The following GAREM1 variants were observed in gnomAD, a reference collection of about 807,000 sequenced individuals.
GAREM1 encodes GRB2 associated regulator of MAPK1 subtype 1.
A neutral mutation model predicts 71.3 loss-of-function variants in GAREM1; 26 were observed. The observed-to-expected ratio is 0.36, with a 90% CI of 0.27 to 0.51. The LOEUF (loss-of-function observed/expected upper bound fraction) is 0.51. Ranked by LOEUF, GAREM1 falls within the 20% of genes least tolerant of loss-of-function variation. GAREM1 has a pLI of 0.95. For synonymous variants in GAREM1, 440 were observed against 433.2 expected (o/e 1.02, Z -0.20); for missense variants, 1,026 against 1,103.1 (o/e 0.93, Z 0.99).
chr18:32,280,855 T>C (rs1248678650), intron 4 of GAREM1, among the ~76,000 whole-genome samples: 1 of 152,076 alleles, frequency 6.6e-6, no homozygotes, highest in Non-Finnish European at 1.5e-5. Flanking sequence ...GCTGTGGGGA[T>C]GGATATGTCC....
chr18:32,404,519 A>G (rs995904999), intron 1 of GAREM1, among the ~76,000 whole-genome samples: 7 of 151,346 alleles, frequency 4.6e-5, no homozygotes, highest in Admixed American at 2.0e-4. Flanking sequence ...AGTTAATTCT[A>G]TAAGTTGTGT....
chr18:32,442,153 G>A (rs925441527), intron 1 of GAREM1, among the ~76,000 whole-genome samples: 1 of 152,082 alleles, frequency 6.6e-6, no homozygotes, highest in Admixed American at 6.6e-5. Context: ...GCACTGCTAA[G>A]TAAACTATTT....
At position 32,393,009 on chromosome 18, in the gene GAREM1, T is replaced by G. The variant is rs1158857515; in HGVS notation, c.148A>C (p.Asn50His). 2.5e-6 allele frequency: 4 copies of G among 1,613,642 alleles called. No homozygotes were observed. The African/African-American group carries it at 5.3e-5, about 22-fold the overall frequency. Residue 50 changes from asparagine to histidine, a missense_variant, in exon 2 of 6, where the codon AAT (asparagine) becomes CAT (histidine). Physicochemically the swap from Asn to His is moderately conservative, Grantham distance 68. Around this residue, in one of 3 missense-constraint regions of GAREM1, gnomAD observed 172 missense variants for 175.2 expected, o/e 0.98. Coordinates refer to ENST00000269209, the MANE Select transcript of GAREM1 (RefSeq NM_001242409.2). ...NGECVEGLRE[N>H]DYLLIHSCRQ... Reference sequence around the variant, plus strand: ...CAGGAATGAATCAGCAGATAGTCATTTTCCCGCAGCCCTTCTACGCACTCT... The same window carrying G: ...CAGGAATGAATCAGCAGATAGTCATGTTCCCGCAGCCCTTCTACGCACTCT...
chr18:32,325,271 T>C (rs2047464055), intron 2 of GAREM1, among the ~76,000 whole-genome samples: 1 of 152,160 alleles, frequency 6.6e-6, no homozygotes, highest in Non-Finnish European at 1.5e-5. Context: ...GTGAAAATAT[T>C]CTGTATGTTA....
intron 3 of GAREM1, among the ~76,000 whole-genome samples, chr18:32,307,572 G>A (rs1362592085): frequency 6.6e-6 from 1 of 152,154 alleles, no homozygotes; most frequent in South Asian, 2.1e-4. Flanking sequence ...GCTAAGGCTG[G>A]AGTGCAATGG....
intron 1 of GAREM1, among the ~76,000 whole-genome samples, chr18:32,398,776 C>CA (rs1458435752): frequency 5.9e-5 from 9 of 152,064 alleles, no homozygotes; most frequent in African/African-American, 2.2e-4. Context: ...GAAACTATTC[C>CA]AATCAATAGA....
chr18:32,282,286 C>T (rs918397325), intron 4 of GAREM1, among the ~76,000 whole-genome samples: 3 of 152,224 alleles, frequency 2.0e-5, no homozygotes, highest in South Asian at 2.1e-4. Context: ...CTTAGCCAGG[C>T]GTGGTGGCGT....
chr18:32,455,470 T>C (rs1399199272), intron 1 of GAREM1, among the ~76,000 whole-genome samples: 3 of 152,094 alleles, frequency 2.0e-5, no homozygotes, highest in East Asian at 3.8e-4. Flanking sequence ...TGAGTGCAAC[T>C]TGCAAATCCT....
At chr18:32,321,540 C>G (rs1451091729) in intron 2 of GAREM1, among the ~76,000 whole-genome samples, 1 of 152,194 alleles carries the variant, frequency 6.6e-6, no homozygotes, top group Non-Finnish European at 1.5e-5. Flanking sequence ...AATTCCACAT[C>G]AGCCTATCCA....
chr18:32,338,662 A>G (rs1249393702), intron 2 of GAREM1, among the ~76,000 whole-genome samples: 2 of 152,220 alleles, frequency 1.3e-5, no homozygotes, highest in Admixed American at 6.5e-5. Context: ...TTGACATTTA[A>G]GCTCGAGATA....
chr18:32,465,072 G>A (rs1243125107), intron 1 of GAREM1, among the ~76,000 whole-genome samples: 2 of 152,132 alleles, frequency 1.3e-5, no homozygotes, highest in African/African-American at 4.8e-5. Flanking sequence ...TGAAATGGCA[G>A]TACCTCTAAC....
intron 2 of GAREM1, chr18:32,331,550 T>A (rs2047535394): frequency 1.3e-5 from 2 of 152,206 alleles, no homozygotes; most frequent in Admixed American, 1.3e-4. Context: ...AGCAGTCACA[T>A]ACACTAGTAG....
chr18:32,400,299 C>T (rs1312763986), intron 1 of GAREM1, among the ~76,000 whole-genome samples: 2 of 152,276 alleles, frequency 1.3e-5, no homozygotes, highest in South Asian at 2.1e-4. Context: ...AAAGCAATGG[C>T]AACTAAAGCC....
At chr18:32,457,226 A>AGAGTGTGTGTGTGT (rs1555648709) in intron 1 of GAREM1, among the ~76,000 whole-genome samples, 13 of 81,982 alleles carry the variant, frequency 1.6e-4, no homozygotes, top group African/African-American at 5.4e-4. Context: ...AGAGAGAGAG[A>AGAGTGTGTGTGTGT]GTGTGTGTGT....
intron 1 of GAREM1, among the ~76,000 whole-genome samples, chr18:32,461,677 A>G (rs929793573): frequency 2.0e-5 from 3 of 152,212 alleles, no homozygotes; most frequent in Non-Finnish European, 4.4e-5. Flanking sequence ...TCTGAGGGAC[A>G]GAGCAAGACT....
At chr18:32,393,274 G>C (rs143786094) in intron 1 of GAREM1, among the ~76,000 whole-genome samples, 11 of 151,140 alleles carry the variant, frequency 7.3e-5, no homozygotes, top group African/African-American at 2.4e-4. Context: ...TTTGCAAATA[G>C]CTATTCAAAT....
intron 1 of GAREM1, among the ~76,000 whole-genome samples, chr18:32,396,627 A>T (rs1248561291): frequency 2.6e-5 from 4 of 152,214 alleles, no homozygotes; most frequent in African/African-American, 9.7e-5. Flanking sequence ...AAAGAAACGA[A>T]CAAAGCCTCC....
intron 1 of GAREM1, among the ~76,000 whole-genome samples, chr18:32,427,022 T>C (rs969273299): frequency 6.6e-6 from 1 of 152,222 alleles, no homozygotes; most frequent in African/African-American, 2.4e-5. Context: ...ATTCATGCTA[T>C]TGTGTGTTGG....
intron 4 of GAREM1, among the ~76,000 whole-genome samples, chr18:32,272,772 C>CGCCA (rs1167976589): frequency 6.6e-6 from 1 of 152,152 alleles, no homozygotes; most frequent in Non-Finnish European, 1.5e-5. Flanking sequence ...CACAGGCATG[C>CGCCA]GCCACCACAC....
Sources: gnomAD v4.1 joint callset for allele counts (sites outside exome capture counted in the v4.1 genomes callset) on GRCh38, gnomAD v4.1.1 for gene constraint, gnomAD v4.1.1 regional missense constraint, MANE v1.5 for transcripts, NCBI Gene and HGNC (gene_info 2026-07-23, HGNC 2026-07-21) for gene names.